TMEM145: variants seen among roughly 807,000 people sequenced by gnomAD.
The protein encoded by TMEM145 is transmembrane protein 145.
A neutral mutation model predicts 68.5 loss-of-function variants in TMEM145; 46 were observed. That is an observed-to-expected ratio of 0.67 (90% CI 0.53 to 0.86). The LOEUF (loss-of-function observed/expected upper bound fraction) is 0.86, where lower values mean the gene tolerates loss of function less well. TMEM145 is among the 40% of genes least tolerant of loss of function. The probability of loss-of-function intolerance (pLI) is 0.00; values close to 1 mark genes in which losing one functional copy is unlikely to be tolerated. For missense variants in TMEM145, 570 were observed against 645.8 expected (o/e 0.88, Z 1.27); for synonymous variants, 255 against 280.2 (o/e 0.91, Z 0.90).
At chr19:42,320,258 TA>T in intron 12 of TMEM145, 58 bp from the exon 13 acceptor site, 1 of 1,605,114 alleles carries the variant, frequency 6.2e-7, no homozygotes. Context: ...GAGGTGGGGC[TA>T]TAGGGTGGGG....
intron 12 of TMEM145, 32 bp from the exon 13 acceptor site, chr19:42,320,285 G>T: frequency 6.2e-7 from 1 of 1,612,630 alleles, no homozygotes; most frequent in South Asian, 1.1e-5. Context: ...GACAGGAGCA[G>T]TGTCTCTACT....
intron 9 of TMEM145, 34 bp downstream of exon 9, chr19:42,316,595 C>A (rs1297080966): frequency 1.9e-6 from 3 of 1,613,648 alleles, no homozygotes; most frequent in Non-Finnish European, 1.7e-6. Flanking sequence ...GAGGGTGGAG[C>A]CCAGGGCTCA....
intron 10 of TMEM145, 39 bp downstream of exon 10, chr19:42,316,779 G>A (rs764330279): frequency 1.2e-6 from 2 of 1,611,276 alleles, no homozygotes; most frequent in Non-Finnish European, 1.7e-6. Context: ...GGCTGGTGGG[G>A]GAGCAGGGCA....
At position 42,313,364 on chromosome 19, in the gene TMEM145, CG is replaced by C; in HGVS notation, c.-11del. On this transcript the variant is annotated 5_prime_UTR_variant, in exon 1 of 15. Coordinates refer to ENST00000301204, the MANE Select transcript of TMEM145 (RefSeq NM_173633.3). This position sits in a 1 kb window ranked among gnomAD's most constrained non-coding sequence, Gnocchi z 5.1. ...GCGGGAGCCGGAGCGGAGCCGGGGCCGGAGCGGGCGGAATGGAGCCCCTGCG... is the reference window on the plus strand; with the variant it reads ...GCGGGAGCCGGAGCGGAGCCGGGGCCGAGCGGGCGGAATGGAGCCCCTGCG... The C allele has an allele frequency of 9.2e-7, 1 of 1,083,846 alleles. No homozygotes were observed. The highest frequency in any genetic ancestry group is 1.2e-6 in the Non-Finnish European group (1 of 836,236). The allele number at this position is 1,083,846 out of a possible 1,614,324, so 67.1% of individuals were successfully genotyped here.
At chr19:42,324,334 C>A (rs1395204162) in intron 14 of TMEM145, 1 of 985,116 alleles carries the variant, frequency 1.0e-6, no homozygotes, top group African/African-American at 1.7e-5. Flanking sequence ...CGAGGGGCCG[C>A]GTGGTGACCA....
At chr19:42,323,930 A>G in intron 14 of TMEM145, 141 bp downstream of exon 14, 1 of 714,484 alleles carries the variant, frequency 1.4e-6, no homozygotes. Flanking sequence ...GCGCCCCAAC[A>G]CCGCGCCGCG....
In TMEM145 at chr19:42,315,374, T is replaced by A; in HGVS notation, c.580T>A (p.Leu194Met). Residue 194 changes from leucine to methionine, a missense_variant and splice_region_variant, in exon 8 of 15, where the codon TTG (leucine) becomes ATG (methionine). Coordinates refer to ENST00000301204, the MANE Select transcript of TMEM145 (RefSeq NM_173633.3). ...CCTTTCCCTACCTTGCTTCCTAGAT[T>A]TGCTGAAAGGTCGTCAGTTGCTCCA... is the stretch of plus-strand genomic sequence containing the variant. ...IFFLSCYFGY[L>M]LKGRQLLHTT... The A allele has an allele frequency of 6.2e-7, 1 of 1,614,176 alleles. No homozygotes were observed. The highest frequency in any genetic ancestry group is 8.5e-7 in the Non-Finnish European group (1 of 1,180,038).
intron 14 of TMEM145, chr19:42,324,372 CA>C: frequency 3.0e-6 from 3 of 985,150 alleles, no homozygotes; most frequent in Non-Finnish European, 3.6e-6. Flanking sequence ...GCCTCCCCCC[CA>C]CTTCCCGCTC....
At chr19:42,319,214 C>T (rs772239100) in intron 12 of TMEM145, among the ~76,000 whole-genome samples, 4 of 152,202 alleles carry the variant, frequency 2.6e-5, no homozygotes, top group Non-Finnish European at 4.4e-5. Context: ...GTTCAGATCT[C>T]AGCTCTAAAG....
chr19:42,317,965 T>C (rs2038875798), intron 12 of TMEM145, 84 bp downstream of exon 12: 3 of 1,461,468 alleles, frequency 2.1e-6, no homozygotes, highest in Non-Finnish European at 2.8e-6. Context: ...AGACCCTCCA[T>C]AGTGAGGGAG....
chr19:42,319,434 A>AT (rs201310102), intron 12 of TMEM145, among the ~76,000 whole-genome samples: 2,285 of 151,242 alleles, frequency 0.015, 29 homozygotes, highest in Non-Finnish European at 0.02. Context: ...TCAAATATCT[A>AT]TTTTTTTTTG....
chr19:42,319,295 G>A (rs2038889444), intron 12 of TMEM145, among the ~76,000 whole-genome samples: 2 of 152,198 alleles, frequency 1.3e-5, no homozygotes, highest in South Asian at 4.1e-4. Context: ...CTTTTAATGG[G>A]GATGGAAATT....
chr19:42,318,208 A>C (rs971753124), intron 12 of TMEM145, among the ~76,000 whole-genome samples: 1 of 151,726 alleles, frequency 6.6e-6, no homozygotes, highest in Non-Finnish European at 1.5e-5. Flanking sequence ...TCTACTAAAA[A>C]TACAAAAAAA....
At position 42,314,996 on chromosome 19, in the gene TMEM145, G is replaced by T; in HGVS notation, c.424G>T (p.Asp142Tyr). Residue 142 changes from aspartate to tyrosine, a missense_variant, in exon 6 of 15, where the codon GAT becomes TAT. By Grantham distance (160) the Asp-to-Tyr change is radical (BLOSUM62 -3). Coordinates refer to ENST00000301204, the MANE Select transcript of TMEM145 (RefSeq NM_173633.3). ...TAGGCCTCCCTACCCCCCACAGGGT[G>T]ATGGATTGCAGCTGGAGTATGAGAT... ...CSSGRSFRSG[D>Y]GLQLEYEMVL... 6.2e-7 allele frequency: 1 copy of T among 1,614,126 alleles called. No individual in the cohort carries two copies. The highest frequency in any genetic ancestry group is 1.1e-5 in the South Asian group (1 of 91,086).
rs778228043 is a variant in TMEM145 at position 42,323,841 on chromosome 19, T to C, written c.1401+52T>C. On this transcript the variant is annotated intron_variant, in intron 14 of 14. Transcript: ENST00000301204. ...GGAGCTGCTGGCGCCGCCCCTGGAG[T>C]ACCTGACCCCGCTCCCGGCCCCGCC... 4 of 1,536,244 alleles carry C rather than the reference T, an allele frequency of 2.6e-6. No homozygotes were observed. In the South Asian group the frequency reaches 4.5e-5, roughly 17 times the overall value.
At position 42,316,535 on chromosome 19, in the gene TMEM145, T is replaced by C. The variant is rs933612732; in HGVS notation, c.701T>C (p.Ile234Thr). ...IYWGQYATDG[I>T]GNESVKILAK... ...TGGGGTCAATATGCCACCGATGGCA[T>C]TGGCAACGAGAGTGTGAAGATCTTG... The change falls in exon 9 of 15, where the codon ATT becomes ACT. Residue 234 changes from isoleucine (I) to threonine (T), a missense_variant. Physicochemically the swap from Ile to Thr is moderately conservative, Grantham distance 89. Coordinates refer to ENST00000301204, the MANE Select transcript of TMEM145 (RefSeq NM_173633.3). 2.5e-6 allele frequency: 4 copies of C among 1,614,066 alleles called. No homozygotes were observed. The African/African-American group carries it at 4.0e-5, about 16-fold the overall frequency.
intron 6 of TMEM145, 49 bp downstream of exon 6, chr19:42,315,126 C>G (rs1568546546): frequency 6.2e-7 from 1 of 1,614,154 alleles, no homozygotes; most frequent in Non-Finnish European, 8.5e-7. Context: ...GACACCAGAG[C>G]TGGGTGCCCA....
chr19:42,315,487 T>A (rs549797936), intron 8 of TMEM145, 47 bp downstream of exon 8: 1 of 1,597,942 alleles, frequency 6.3e-7, no homozygotes, highest in African/African-American at 1.3e-5. Flanking sequence ...AGAAGGCACT[T>A]GGGGCCAGAC....
At chr19:42,320,747 C>A (rs1479647305) in intron 13 of TMEM145, among the ~76,000 whole-genome samples, 1 of 152,040 alleles carries the variant, frequency 6.6e-6, no homozygotes, top group Admixed American at 6.6e-5. Flanking sequence ...TCTGCCTCAG[C>A]CTCCCGAGTA....
Sources: gnomAD v4.1 joint callset for allele counts (sites outside exome capture counted in the v4.1 genomes callset) on GRCh38, gnomAD v4.1.1 for gene constraint, Gnocchi (gnomAD v3.1) non-coding constraint, MANE v1.5 for transcripts, NCBI Gene and HGNC (gene_info 2026-07-23, HGNC 2026-07-21) for gene names.